Variants in NUP58 observed in about 807,000 individuals in gnomAD.
NUP58 encodes nucleoporin p58/p45.
NUP58 carries 17 observed loss-of-function variants against 70.1 expected under a neutral mutation model. The ratio of observed to expected loss-of-function variants is 0.24; its 90% CI spans 0.17 to 0.36. NUP58 has a LOEUF of 0.36. Among genes scored for constraint, NUP58 ranks in the 10% least tolerant of loss-of-function variants. The probability of loss-of-function intolerance (pLI) is 1.00; values close to 1 mark genes in which losing one functional copy is unlikely to be tolerated. For missense variants in NUP58, 644 were observed against 701.5 expected (o/e 0.92, Z 0.93); for synonymous variants, 275 against 257.6 (o/e 1.07, Z -0.65).
chr13:25,336,351 C>T (rs1032362602), intron 13 of NUP58: 1 of 997,710 alleles, frequency 1.0e-6, no homozygotes, highest in Non-Finnish European at 1.4e-6. Flanking sequence ...AAAACATTGT[C>T]TTGTTTTTTA....
downstream of NUP58, among the ~76,000 whole-genome samples, chr13:25,343,487 A>G (rs1412048849): frequency 3.5e-5 from 5 of 144,458 alleles, no homozygotes; most frequent in Admixed American, 3.5e-4. Flanking sequence ...TTTGAGATGG[A>G]GTTTCACTCT....
intron 9 of NUP58, among the ~76,000 whole-genome samples, chr13:25,322,848 GT>G (rs915141089): frequency 3.9e-5 from 6 of 152,136 alleles, no homozygotes; most frequent in Non-Finnish European, 7.4e-5. Flanking sequence ...AATAGAAAGA[GT>G]TAATTATGTT....
Position 25,340,180 on chromosome 13 carries a change from CTA to C in NUP58, c.*48_*49del. 1.4e-6 allele frequency: 2 copies of C among 1,439,422 alleles called. No individual in the cohort carries two copies. Among genetic ancestry groups the C allele is most frequent in the African/African-American group, 1.5e-5 (1 of 68,272 alleles). 89.2% of individuals were successfully genotyped at this position (1,439,422 alleles called of 1,614,324 possible). ...AGAATCCATAGCAGCACCGTTCATT[CTA>C]TGAGTCTATTTTTCTAATGATGCAG... On this transcript the variant is annotated 3_prime_UTR_variant, in exon 16 of 16. Transcript: ENST00000381736.
chr13:25,310,012 A>G (rs1483428359), intron 3 of NUP58: 4 of 408,040 alleles, frequency 9.8e-6, no homozygotes, highest in Admixed American at 2.8e-5. Context: ...AGCTGCAAAC[A>G]CAAGCAAGTG....
At chr13:25,339,635 G>A (rs1207752888) in intron 15 of NUP58, among the ~76,000 whole-genome samples, 2 of 152,160 alleles carry the variant, frequency 1.3e-5, no homozygotes, top group East Asian at 3.9e-4. Context: ...TTGATAAAAT[G>A]TTTTTGGTGG....
chr13:25,346,367 C>G (rs1252419979), downstream of NUP58, among the ~76,000 whole-genome samples: 1 of 152,106 alleles, frequency 6.6e-6, no homozygotes, highest in Admixed American at 6.6e-5. Context: ...TATGTAGAGT[C>G]TATGTAGGCT....
chr13:25,318,061 G>A (rs1422557461), intron 6 of NUP58, among the ~76,000 whole-genome samples: 12 of 151,944 alleles, frequency 7.9e-5, no homozygotes, highest in Non-Finnish European at 1.5e-4. Flanking sequence ...CAGGCGCAGT[G>A]GCTCACGCCT....
In NUP58 at chr13:25,313,047, A is replaced by G. The variant is rs1005358343; in HGVS notation, c.436+15A>G. ...AACTCCAGCAGGTGAGGCAGAATGA[A>G]AAACCGTTGCATTTAATGGTTAAAT... On this transcript the variant is annotated intron_variant, in intron 4 of 15. Transcript: ENST00000381736. 5.0e-6 allele frequency: 8 copies of G among 1,609,292 alleles called. No homozygotes were observed. Among genetic ancestry groups the G allele is most frequent in the Middle Eastern group, 1.7e-4 (1 of 6,032 alleles).
chr13:25,311,555 A>G (rs368783396), intron 3 of NUP58, among the ~76,000 whole-genome samples: 1 of 151,762 alleles, frequency 6.6e-6, no homozygotes, highest in Admixed American at 6.6e-5. Flanking sequence ...TTGTATTTTT[A>G]GTAGAAACGG....
At chr13:25,306,386 T>C (rs1168881390) in intron 1 of NUP58, among the ~76,000 whole-genome samples, 1 of 128,636 alleles carries the variant, frequency 7.8e-6, no homozygotes, top group African/African-American at 3.2e-5. Context: ...AGAGTGAGAC[T>C]CCGTCTCAAA....
intron 3 of NUP58, among the ~76,000 whole-genome samples, chr13:25,348,469 G>A (rs764268641): frequency 3.3e-5 from 5 of 152,054 alleles, no homozygotes; most frequent in Non-Finnish European, 7.4e-5. Flanking sequence ...AGATAGGAGG[G>A]TCTTGTTACA....
intron 3 of NUP58, among the ~76,000 whole-genome samples, chr13:25,312,631 G>A (rs867500552): frequency 6.6e-6 from 1 of 152,308 alleles, no homozygotes; most frequent in Middle Eastern, 3.4e-3. Context: ...GCCTCCCAAA[G>A]TTTTGGGATC....
intron 12 of NUP58, among the ~76,000 whole-genome samples, chr13:25,329,633 GTTTC>G (rs2031532108): frequency 6.6e-6 from 1 of 152,022 alleles, no homozygotes; most frequent in Admixed American, 6.6e-5. Flanking sequence ...TAAGCTCTAG[GTTTC>G]TTTATTTCTT....
intron 10 of NUP58, among the ~76,000 whole-genome samples, chr13:25,326,017 A>G (rs2031381056): frequency 6.6e-6 from 1 of 152,320 alleles, no homozygotes; most frequent in Non-Finnish European, 1.5e-5. Flanking sequence ...GTGTGTATAT[A>G]CATTTCTCCC....
intron 3 of NUP58, 38 bp from the exon 4 acceptor site, chr13:25,312,845 T>TTTTGTTTGTTTGTTTATTCA (rs1566059448): frequency 1.3e-6 from 2 of 1,548,802 alleles, no homozygotes; most frequent in East Asian, 4.9e-5. Flanking sequence ...AAAGTAGGAT[T>TTTTGTTTGTTTGTTTATTCA]TTTGTTTGTT....
intron 2 of NUP58, 71 bp from the exon 3 acceptor site, chr13:25,309,176 C>A: frequency 8.4e-7 from 1 of 1,185,600 alleles, no homozygotes; most frequent in South Asian, 1.2e-5. Flanking sequence ...AAGTCTTTCC[C>A]TTATGACAGG....
chr13:25,322,739 C>G (rs1593189262), intron 9 of NUP58, among the ~76,000 whole-genome samples: 1 of 152,178 alleles, frequency 6.6e-6, no homozygotes, highest in East Asian at 1.9e-4. Flanking sequence ...CAAAACACTT[C>G]TGGTCCCAAG....
chr13:25,302,647 A>G lies in NUP58; in HGVS notation c.107+767A>G, dbSNP rs370987752. Among the ~76,000 whole-genome samples the G allele has an allele frequency of 2.4e-3, 360 of 152,194 alleles. 13 individuals carry two copies. In the South Asian group the frequency reaches 0.071, roughly 30 times the overall value. ...TGAGAGATTTAAGCTTTAGAACTCA[A>G]TTTTTTTTAAGATAAAGGTGGAGGG... On this transcript the variant is annotated intron_variant, in intron 1 of 15. Transcript: ENST00000381736.
chr13:25,312,567 C>T (rs983751610), intron 3 of NUP58, among the ~76,000 whole-genome samples: 7 of 152,160 alleles, frequency 4.6e-5, no homozygotes, highest in African/African-American at 1.4e-4. Flanking sequence ...AGGGTTTCAC[C>T]GTGTTGGCCA....
Sources: allele counts gnomAD v4.1 joint callset (sites outside exome capture counted in the v4.1 genomes callset), GRCh38; gene constraint gnomAD v4.1.1; transcripts MANE v1.5; gene names NCBI Gene and HGNC (gene_info 2026-07-23, HGNC 2026-07-21).